Variants in GRK5 observed in about 807,000 individuals in gnomAD.
The protein encoded by GRK5 is g protein-coupled receptor kinase GRK5.
GRK5 carries 40 observed loss-of-function variants against 78.4 expected under a neutral mutation model. That is an observed-to-expected ratio of 0.51 (90% CI 0.40 to 0.66). GRK5 has a LOEUF of 0.66. GRK5 is among the 30% of genes least tolerant of loss of function. The probability of loss-of-function intolerance (pLI) is 0.00; values close to 1 mark genes in which losing one functional copy is unlikely to be tolerated. For synonymous variants in GRK5, 289 were observed against 296.8 expected, an observed-to-expected ratio of 0.97 and a Z score of 0.27; for missense variants, 598 against 759.9, an observed-to-expected ratio of 0.79 and a Z score of 2.50.
At chr10:119,447,931 G>T (rs1853188265) in intron 12 of GRK5, among the ~76,000 whole-genome samples, 192 bp from the exon 13 acceptor site, 1 of 152,242 alleles carries the variant, frequency 6.6e-6, no homozygotes, top group Non-Finnish European at 1.5e-5. Context: ...GTCCCATCAG[G>T]CATCTAGCCA....
At chr10:119,436,897 C>A in intron 9 of GRK5, 56 bp downstream of exon 9, 1 of 1,469,222 alleles carries the variant, frequency 6.8e-7, no homozygotes, top group Non-Finnish European at 9.2e-7. Flanking sequence ...TGGGGCCAGC[C>A]CCTCCACACC....
intron 1 of GRK5, among the ~76,000 whole-genome samples, chr10:119,286,474 T>C (rs1257586734): frequency 6.6e-6 from 1 of 152,254 alleles, no homozygotes; most frequent in Admixed American, 6.5e-5. Flanking sequence ...TTGTACAATA[T>C]AGAGACAGTC....
chr10:119,435,056 GA>G (rs1852892310), intron 8 of GRK5, among the ~76,000 whole-genome samples: 1 of 152,244 alleles, frequency 6.6e-6, no homozygotes, highest in African/African-American at 2.4e-5. Context: ...TTCAGCCACG[GA>G]TGGAGCAGCT....
At chr10:119,333,554 CCT>C (rs1850820962) in intron 2 of GRK5, 1 of 330,404 alleles carries the variant, frequency 3.0e-6, no homozygotes, top group South Asian at 2.3e-5. Context: ...GAGCCAGGTC[CCT>C]GGTCTGGAGT....
intron 1 of GRK5, among the ~76,000 whole-genome samples, chr10:119,260,372 CTTTTTT>C (rs56407821): frequency 9.9e-6 from 1 of 101,450 alleles, no homozygotes; most frequent in Admixed American, 1.1e-4. Context: ...TAACCGTCTG[CTTTTTT>C]TTTTTTTTTT....
intron 4 of GRK5, among the ~76,000 whole-genome samples, chr10:119,419,074 A>G (rs931170031): frequency 6.6e-6 from 1 of 152,144 alleles, no homozygotes; most frequent in Non-Finnish European, 1.5e-5. Context: ...GAGTGAGGGT[A>G]ACATTTCTCT....
chr10:119,413,228 T>G (rs1013715886), intron 4 of GRK5, among the ~76,000 whole-genome samples: 2 of 151,978 alleles, frequency 1.3e-5, no homozygotes, highest in Admixed American at 6.6e-5. Context: ...CTTCCTGAGA[T>G]GGCCACGGCC....
chr10:119,215,501 G>A (rs1480048291), intron 1 of GRK5, among the ~76,000 whole-genome samples: 1 of 150,308 alleles, frequency 6.7e-6, no homozygotes, highest in Non-Finnish European at 1.5e-5. Flanking sequence ...TAGGGAAGGG[G>A]GTGCGGAGAG....
At chr10:119,420,605 G>T (rs1222259913) in intron 4 of GRK5, among the ~76,000 whole-genome samples, 1 of 148,382 alleles carries the variant, frequency 6.7e-6, no homozygotes, top group Non-Finnish European at 1.5e-5. Flanking sequence ...TTGAGACAGG[G>T]TCTCACCGTG....
chr10:119,309,476 A>C (rs1850326192), intron 1 of GRK5, among the ~76,000 whole-genome samples: 1 of 152,198 alleles, frequency 6.6e-6, no homozygotes, highest in Non-Finnish European at 1.5e-5. Context: ...GGGTCCTTTC[A>C]ACCCCCAGGT....
intron 1 of GRK5, among the ~76,000 whole-genome samples, chr10:119,220,580 A>T (rs1231260557): frequency 2.0e-5 from 3 of 152,132 alleles, no homozygotes; most frequent in African/African-American, 7.2e-5. Context: ...CATGCCTGTA[A>T]TCCCAGCACT....
intron 12 of GRK5, 132 bp downstream of exon 12, chr10:119,443,884 C>T: frequency 3.9e-6 from 3 of 764,424 alleles, no homozygotes; most frequent in Non-Finnish European, 6.2e-6. Context: ...GGGTTGCAGC[C>T]CACCAAGCTA....
intron 1 of GRK5, among the ~76,000 whole-genome samples, chr10:119,274,530 G>A (rs562620937): frequency 1.2e-4 from 19 of 152,292 alleles, no homozygotes; most frequent in African/African-American, 4.3e-4. Context: ...TGGCTGGGTC[G>A]TCAGAAACCT....
At chr10:119,285,195 G>A (rs951273651) in intron 1 of GRK5, among the ~76,000 whole-genome samples, 2 of 152,194 alleles carry the variant, frequency 1.3e-5, no homozygotes, top group African/African-American at 4.8e-5. Flanking sequence ...GGGGCAACCA[G>A]TACTAGGGGC....
intron 1 of GRK5, among the ~76,000 whole-genome samples, chr10:119,263,019 T>G (rs1361847761): frequency 2.0e-5 from 3 of 152,182 alleles, no homozygotes; most frequent in Non-Finnish European, 4.4e-5. Flanking sequence ...ATGTACATTT[T>G]TTTTTTGAGA....
chr10:119,312,125 A>G (rs1850369852), intron 1 of GRK5, among the ~76,000 whole-genome samples: 1 of 152,066 alleles, frequency 6.6e-6, no homozygotes, highest in Non-Finnish European at 1.5e-5. Context: ...GTTAGCCAGG[A>G]TGGTCTCGAT....
At chr10:119,339,953 G>A (rs139343336) in intron 2 of GRK5, among the ~76,000 whole-genome samples, 6 of 152,258 alleles carry the variant, frequency 3.9e-5, no homozygotes, top group African/African-American at 1.4e-4. Flanking sequence ...CCTCCAAAGA[G>A]CTAGGGGCAT....
At chr10:119,250,725 G>A (rs1849185861) in intron 1 of GRK5, among the ~76,000 whole-genome samples, 1 of 152,100 alleles carries the variant, frequency 6.6e-6, no homozygotes, top group African/African-American at 2.4e-5. Flanking sequence ...ACACAAAATT[G>A]GAAGTGAACG....
intron 2 of GRK5, chr10:119,334,889 A>G (rs926934787): frequency 6.6e-6 from 1 of 151,880 alleles, no homozygotes; most frequent in Non-Finnish European, 1.5e-5. Context: ...CAGTGCCCCG[A>G]ACCCTCACAG....
Sources: allele counts gnomAD v4.1 joint callset (sites outside exome capture counted in the v4.1 genomes callset), GRCh38; gene constraint gnomAD v4.1.1; transcripts MANE v1.5; gene names NCBI Gene and HGNC (gene_info 2026-07-23, HGNC 2026-07-21).